LYZL1: variants seen among roughly 807,000 people sequenced by gnomAD.
The protein encoded by LYZL1 is lysozyme-like protein 1.
A neutral mutation model predicts 17.9 loss-of-function variants in LYZL1; 16 were observed. The ratio of observed to expected loss-of-function variants is 0.90; its 90% CI spans 0.61 to 1.36. LYZL1 has a LOEUF of 1.36. Among genes scored for constraint, LYZL1 ranks in the 40% most tolerant of loss-of-function variants. LYZL1 has a pLI of 0.00. For synonymous variants in LYZL1, 58 were observed against 71.8 expected (o/e 0.81, Z 0.97); for missense variants, 149 against 188.4 (o/e 0.79, Z 1.22).
intron 3 of LYZL1, among the ~76,000 whole-genome samples, chr10:29,301,885 T>C (rs927316905): frequency 1.3e-5 from 2 of 149,972 alleles, no homozygotes; most frequent in Non-Finnish European, 3.0e-5. Context: ...GTAGTTTCCA[T>C]TGTTATGTCT....
chr10:29,316,642 C>T (rs772033482), intron 3 of LYZL1, among the ~76,000 whole-genome samples: 1 of 151,334 alleles, frequency 6.6e-6, no homozygotes, highest in Non-Finnish European at 1.5e-5. Context: ...AAATCCATAA[C>T]TGCTATTAAT....
At chr10:29,314,178 C>T (rs550956922), downstream of LYZL1, among the ~76,000 whole-genome samples, 1 of 152,310 alleles carries the variant, frequency 6.6e-6, no homozygotes, top group Non-Finnish European at 1.5e-5. Flanking sequence ...AAGCTCCCAG[C>T]TCCTCTAACC....
At chr10:29,310,853 C>A in intron 4 of LYZL1, 137 bp from the exon 5 acceptor site, 1 of 1,295,704 alleles carries the variant, frequency 7.7e-7, no homozygotes, top group Non-Finnish European at 1.1e-6. Context: ...AGGACAGCAT[C>A]CTTGAAGCTC....
At chr10:29,295,828 G>A (rs1269231932) in intron 3 of LYZL1, among the ~76,000 whole-genome samples, 1 of 152,186 alleles carries the variant, frequency 6.6e-6, no homozygotes, top group Non-Finnish European at 1.5e-5. Context: ...GGGGCCATGA[G>A]TCAAGGGGTG....
At chr10:29,299,533 G>T (rs1417764455) in intron 3 of LYZL1, among the ~76,000 whole-genome samples, 1 of 152,186 alleles carries the variant, frequency 6.6e-6, no homozygotes, top group Non-Finnish European at 1.5e-5. Context: ...GATAGATATT[G>T]AAATTTGCAA....
At chr10:29,306,394 C>CA (rs1835590720) in intron 3 of LYZL1, among the ~76,000 whole-genome samples, 2 of 146,936 alleles carry the variant, frequency 1.4e-5, no homozygotes, top group East Asian at 2.0e-4. Flanking sequence ...ACTAAAAATA[C>CA]AAAAAATTAG....
chr10:29,291,362 C>T (rs1564388133), intron 1 of LYZL1, among the ~76,000 whole-genome samples: 1 of 151,188 alleles, frequency 6.6e-6, no homozygotes, highest in Non-Finnish European at 1.5e-5. Flanking sequence ...TCACACTGAG[C>T]AGGCTGAGGT....
intron 2 of LYZL1, 131 bp from the exon 3 acceptor site, chr10:29,292,388 C>T (rs957389023): frequency 1.5e-5 from 21 of 1,410,654 alleles, no homozygotes; most frequent in East Asian, 1.5e-4. Flanking sequence ...GGCGCATGCC[C>T]GCCCTGCCCT....
chr10:29,295,522 C>T (rs1835435695), intron 3 of LYZL1, among the ~76,000 whole-genome samples: 2 of 152,182 alleles, frequency 1.3e-5, no homozygotes, highest in South Asian at 4.1e-4. Context: ...GCATTTACCT[C>T]CCATGGTGGG....
chr10:29,289,557 C>T (rs1203013500), intron 1 of LYZL1, among the ~76,000 whole-genome samples: 4 of 151,566 alleles, frequency 2.6e-5, no homozygotes, highest in African/African-American at 9.7e-5. Context: ...TAGCTGGGAC[C>T]ACAGGCACAC....
chr10:29,316,876 G>T (rs374247166), intron 3 of LYZL1, among the ~76,000 whole-genome samples: 2 of 151,668 alleles, frequency 1.3e-5, no homozygotes, highest in South Asian at 4.2e-4. Flanking sequence ...GCCACCACTC[G>T]CAGCTAACTT....
chr10:29,293,803 T>A (rs1235222816), intron 3 of LYZL1, among the ~76,000 whole-genome samples: 1 of 151,804 alleles, frequency 6.6e-6, no homozygotes, highest in African/African-American at 2.4e-5. Context: ...TGAAACCCCA[T>A]CTCTACTAAA....
downstream of LYZL1, among the ~76,000 whole-genome samples, chr10:29,313,108 C>T (rs1835692098): frequency 6.6e-6 from 1 of 152,078 alleles, no homozygotes. Context: ...CCGCTACTTG[C>T]CTAAATAAAT....
At chr10:29,311,895 G>A (rs565430170), downstream of LYZL1, among the ~76,000 whole-genome samples, 1 of 152,134 alleles carries the variant, frequency 6.6e-6, no homozygotes, top group South Asian at 2.1e-4. Flanking sequence ...GGAGGTGGAG[G>A]TTACAGTGAG....
At chr10:29,289,794 C>A (rs913923975) in intron 1 of LYZL1, among the ~76,000 whole-genome samples, 8 of 152,300 alleles carry the variant, frequency 5.3e-5, no homozygotes, top group South Asian at 2.1e-4. Flanking sequence ...GACTGGCATG[C>A]TCTCTCTGAA....
At position 29,290,700 on chromosome 10, in the gene LYZL1, G is replaced by A. The variant is rs371313281; in HGVS notation, c.-25-1143G>A. Among the ~76,000 whole-genome samples the A allele has an allele frequency of 1.6e-3, 246 of 152,218 alleles. 5 individuals carry two copies. In the South Asian group the frequency reaches 0.018, roughly 11 times the overall value. On this transcript the variant is annotated intron_variant, in intron 1 of 4. Transcript: ENST00000649382. ...CTAGAAACACAAAAATTAGCCAGGT[G>A]TGGTGGTGGGCGCCTGTAATCCCAG... is the stretch of plus-strand genomic sequence containing the variant.
At chr10:29,306,095 C>A (rs1345743056) in intron 3 of LYZL1, among the ~76,000 whole-genome samples, 1 of 152,158 alleles carries the variant, frequency 6.6e-6, no homozygotes, top group Non-Finnish European at 1.5e-5. Flanking sequence ...AAGAGCCAAT[C>A]CTTCTTAAAG....
At chr10:29,301,450 C>A (rs1021242091) in intron 3 of LYZL1, among the ~76,000 whole-genome samples, 3 of 152,202 alleles carry the variant, frequency 2.0e-5, no homozygotes, top group Non-Finnish European at 4.4e-5. Flanking sequence ...CTCAGCCTCC[C>A]AAAGTGCTGG....
intron 3 of LYZL1, among the ~76,000 whole-genome samples, chr10:29,306,796 ATGTGTGTGTGTGTG>A (rs35332190): frequency 6.4e-5 from 9 of 141,184 alleles, no homozygotes; most frequent in African/African-American, 1.9e-4. Flanking sequence ...CCGCTTATGT[ATGTGTGTGTGTGTG>A]TGTGTGTGTG....
Sources: allele counts gnomAD v4.1 joint callset (sites outside exome capture counted in the v4.1 genomes callset), GRCh38; gene constraint gnomAD v4.1.1; transcripts MANE v1.5; gene names NCBI Gene and HGNC (gene_info 2026-07-23, HGNC 2026-07-21).